Variants in GPATCH2 observed in about 807,000 individuals in gnomAD.
GPATCH2 encodes G patch domain-containing protein 2.
A neutral mutation model predicts 58.0 loss-of-function variants in GPATCH2; 51 were observed. The ratio of observed to expected loss-of-function variants is 0.88; its 90% CI spans 0.70 to 1.11. The LOEUF is 1.11. Ranked by LOEUF, GPATCH2 falls within the 50% of genes most tolerant of loss-of-function variation. The probability of loss-of-function intolerance (pLI) is 0.00; values close to 1 mark genes in which losing one functional copy is unlikely to be tolerated. For missense variants in GPATCH2, 625 were observed against 652.2 expected, an observed-to-expected ratio of 0.96 and a Z score of 0.45; for synonymous variants, 222 against 218.5, an observed-to-expected ratio of 1.02 and a Z score of -0.14.
At chr1:217,603,467 TAATAC>T (rs958423209) in intron 5 of GPATCH2, among the ~76,000 whole-genome samples, 10 of 152,260 alleles carry the variant, frequency 6.6e-5, no homozygotes, top group Non-Finnish European at 1.2e-4. Flanking sequence ...TAATAAAGCA[TAATAC>T]AATAAAAATA....
intron 5 of GPATCH2, among the ~76,000 whole-genome samples, chr1:217,585,986 T>C (rs1314470407): frequency 6.6e-6 from 1 of 152,078 alleles, no homozygotes; most frequent in African/African-American, 2.4e-5. Context: ...ACAGAAAATC[T>C]ATAATAAAAA....
intron 2 of GPATCH2, among the ~76,000 whole-genome samples, chr1:217,618,684 C>A (rs1256894468): frequency 6.6e-6 from 1 of 151,936 alleles, no homozygotes; most frequent in African/African-American, 2.4e-5. Flanking sequence ...GATAGCTCAC[C>A]ACAATTCACA....
chr1:217,462,806 G>A (rs1412933557), intron 8 of GPATCH2, among the ~76,000 whole-genome samples: 1 of 152,162 alleles, frequency 6.6e-6, no homozygotes, highest in African/African-American at 2.4e-5. Context: ...TGAGGCAGAA[G>A]AGCACAGCAG....
chr1:217,430,996 A>C lies in GPATCH2; in HGVS notation c.*149T>G. ...ATTGTGATGAAATCCCATTTCTCTC[A>C]CTATGGCAGGACTGTATGCAGTAAG... is the stretch of plus-strand genomic sequence containing the variant. On this transcript the variant is annotated 3_prime_UTR_variant, in exon 10 of 10. Transcript: ENST00000366935. 1.6e-6 allele frequency: 1 copy of C among 634,878 alleles called. No homozygotes were observed. Among genetic ancestry groups the C allele is most frequent in the Non-Finnish European group, 2.8e-6 (1 of 352,768 alleles). The allele number at this position is 634,878 out of a possible 1,614,324, so 39.3% of individuals were successfully genotyped here.
chr1:217,502,033 G>A (rs541062744), intron 6 of GPATCH2, among the ~76,000 whole-genome samples: 10 of 151,778 alleles, frequency 6.6e-5, no homozygotes, highest in Admixed American at 1.3e-4. Context: ...GTGTGTGTGC[G>A]GGGGGAGCTA....
At chr1:217,557,392 A>G (rs908826471) in intron 5 of GPATCH2, among the ~76,000 whole-genome samples, 2 of 149,252 alleles carry the variant, frequency 1.3e-5, no homozygotes, top group Non-Finnish European at 3.0e-5. Flanking sequence ...CTGGGCAACA[A>G]GAGTGAAACC....
intron 5 of GPATCH2, among the ~76,000 whole-genome samples, chr1:217,523,633 T>C (rs1663603307): frequency 6.6e-6 from 1 of 151,806 alleles, no homozygotes; most frequent in Admixed American, 6.5e-5. Flanking sequence ...TTTCCCCCCT[T>C]TCTATTCCAC....
chr1:217,510,875 C>T (rs1043455955), intron 6 of GPATCH2, among the ~76,000 whole-genome samples: 7 of 152,022 alleles, frequency 4.6e-5, no homozygotes, highest in African/African-American at 1.7e-4. Flanking sequence ...GGCAAATCAC[C>T]TGCAGTCAGG....
At chr1:217,567,991 C>T (rs998490412) in intron 5 of GPATCH2, among the ~76,000 whole-genome samples, 1 of 152,082 alleles carries the variant, frequency 6.6e-6, no homozygotes, top group African/African-American at 2.4e-5. Context: ...GTGGCGGGCG[C>T]CTGCAGTCCT....
intron 6 of GPATCH2, among the ~76,000 whole-genome samples, chr1:217,505,042 T>C (rs12407656): frequency 6.1e-4 from 93 of 152,286 alleles, no homozygotes; most frequent in Middle Eastern, 3.4e-3. Context: ...ATGGAGAGAC[T>C]AACAGTGGTA....
intron 5 of GPATCH2, chr1:217,609,536 A>G (rs1161798086): frequency 7.1e-6 from 7 of 980,768 alleles, no homozygotes; most frequent in Non-Finnish European, 8.5e-6. Context: ...TATAAAATAC[A>G]ATGAGTTTGC....
chr1:217,593,385 T>A (rs1022969153), intron 5 of GPATCH2, among the ~76,000 whole-genome samples: 1 of 152,032 alleles, frequency 6.6e-6, no homozygotes, highest in African/African-American at 2.4e-5. Flanking sequence ...TTGTTATCCA[T>A]CTACAGTAAA....
chr1:217,610,377 G>A lies in GPATCH2; in HGVS notation c.1042C>T (p.Leu348Phe). Residue 348 changes from leucine (L) to phenylalanine (F), a missense_variant, in exon 5 of 10, where the codon CTT (leucine) becomes TTT (phenylalanine). Transcript: ENST00000366935. ...RRGFQARLSR[L>F]HGMSSKNIKK... ...ATATTCTTTGAAGACATTCCATGAA[G>A]GCGACTGAGTCTAGCTTGGAAACCT... The A allele has an allele frequency of 6.2e-7, 1 of 1,604,112 alleles. No homozygotes were observed. The highest frequency in any genetic ancestry group is 8.5e-7 in the Non-Finnish European group (1 of 1,171,628).
intron 5 of GPATCH2, among the ~76,000 whole-genome samples, chr1:217,546,517 T>C (rs576415476): frequency 6.6e-6 from 1 of 152,276 alleles, no homozygotes; most frequent in African/African-American, 2.4e-5. Context: ...GTAAAAGGAT[T>C]CCCTTCAATA....
At chr1:217,521,640 C>T (rs12027331) in intron 5 of GPATCH2, among the ~76,000 whole-genome samples, 25,797 of 152,110 alleles carry the variant, frequency 0.17, 2,967 homozygotes, top group East Asian at 0.48. Flanking sequence ...AGAAGGCTAA[C>T]ATTTACAAAG....
intron 8 of GPATCH2, among the ~76,000 whole-genome samples, chr1:217,487,866 C>T (rs1661528069): frequency 1.3e-5 from 2 of 152,182 alleles, no homozygotes; most frequent in African/African-American, 4.8e-5. Flanking sequence ...CCTCAGCCTC[C>T]TGAGTAGCTG....
intron 5 of GPATCH2, among the ~76,000 whole-genome samples, chr1:217,541,115 CGGT>C (rs1401613287): frequency 6.6e-6 from 1 of 152,134 alleles, no homozygotes; most frequent in Admixed American, 6.5e-5. Context: ...GTTCTTTCAT[CGGT>C]AGGCAAGTTT....
Position 217,528,886 on chromosome 1 carries a change from C to T in GPATCH2, c.1099-13997G>A, listed in dbSNP as rs561032823. The stretch of plus-strand genomic sequence containing the variant: ...AAGAAAGCAAAGGGACTTGAAGATC[C>T]GAGGCAAATGGCTGGAATCTGTGGG... On this transcript the variant is annotated intron_variant, in intron 5 of 9. Coordinates refer to ENST00000366935, the MANE Select transcript of GPATCH2 (RefSeq NM_018040.5). Among the ~76,000 whole-genome samples, 23 of 152,152 alleles carry T rather than the reference C, an allele frequency of 1.5e-4. No homozygotes were observed. In the East Asian group the frequency reaches 2.1e-3, roughly 14 times the overall value.
intron 5 of GPATCH2, among the ~76,000 whole-genome samples, chr1:217,533,542 AT>A (rs976093753): frequency 3.3e-5 from 5 of 152,240 alleles, no homozygotes; most frequent in African/African-American, 1.2e-4. Context: ...TGCCGTGGTC[AT>A]CCAAGTGTGG....
Sources: allele counts gnomAD v4.1 joint callset (sites outside exome capture counted in the v4.1 genomes callset), GRCh38; gene constraint gnomAD v4.1.1; transcripts MANE v1.5; gene names NCBI Gene and HGNC (gene_info 2026-07-23, HGNC 2026-07-21).